Variants in RGS22 observed in about 807,000 individuals in gnomAD.
RGS22 encodes regulator of G-protein signaling 22.
RGS22 carries 148 observed loss-of-function variants against 172.9 expected under a neutral mutation model. The ratio of observed to expected loss-of-function variants is 0.86; its 90% CI spans 0.75 to 0.98. The LOEUF (loss-of-function observed/expected upper bound fraction) is 0.98, where lower values mean the gene tolerates loss of function less well. Ranked by LOEUF, RGS22 falls within the 50% of genes least tolerant of loss-of-function variation. The probability of loss-of-function intolerance (pLI) is 0.00; values close to 1 mark genes in which losing one functional copy is unlikely to be tolerated. For missense variants in RGS22, 1,347 were observed against 1,440.8 expected (o/e 0.93, Z 1.05); for synonymous variants, 458 against 480.2 (o/e 0.95, Z 0.60).
intron 3 of RGS22, among the ~76,000 whole-genome samples, chr8:100,091,066 T>C (rs1028057494): frequency 2.0e-5 from 3 of 152,156 alleles, no homozygotes; most frequent in African/African-American, 4.8e-5. Flanking sequence ...AGTAAACCCA[T>C]ACTGGCTTCT....
chr8:100,037,921 G>A (rs1300848641), intron 14 of RGS22, among the ~76,000 whole-genome samples: 1 of 152,166 alleles, frequency 6.6e-6, no homozygotes, highest in African/African-American at 2.4e-5. Flanking sequence ...TAATCTCACA[G>A]TAAAAAGTAC....
intron 14 of RGS22, among the ~76,000 whole-genome samples, chr8:100,012,978 A>ATTT (rs35339430): frequency 7.2e-4 from 64 of 88,736 alleles, no homozygotes; most frequent in Middle Eastern, 7.5e-3. Flanking sequence ...AACGCCTTTG[A>ATTT]TTTTTTTTTT....
Position 100,063,684 on chromosome 8 carries a change from C to T in RGS22, c.1084G>A (p.Gly362Ser). 9 of 1,613,960 alleles carry T rather than the reference C, an allele frequency of 5.6e-6. No homozygotes were observed. The highest frequency in any genetic ancestry group is 7.6e-6 in the Non-Finnish European group (9 of 1,179,966). The change falls in exon 8 of 28, where the codon GGC becomes AGC. Residue 362 changes from glycine to serine, a missense_variant. Coordinates refer to ENST00000360863, the MANE Select transcript of RGS22 (RefSeq NM_015668.5). ...SFDDCFESIH[G>S]KNFLSELVQT... ...ACTAATTCACTTAAAAAATTCTTGC[C>T]ATGAATAGACTCAAAACAATCATCA...
At chr8:100,000,293 T>C (rs932704585) in intron 18 of RGS22, among the ~76,000 whole-genome samples, 11 of 151,970 alleles carry the variant, frequency 7.2e-5, no homozygotes, top group African/African-American at 2.4e-4. Flanking sequence ...TATTGTTTTA[T>C]ATAAAAACAA....
rs1586203581 is a variant in RGS22 at position 100,071,620 on chromosome 8, C to A, written c.426-83G>T. On this transcript the variant is annotated intron_variant, in intron 5 of 27. Transcript: ENST00000360863. ...GAAAAAACCTAAAATTTTATGTATT[C>A]AAGCCAATCTCCTCTCCTCACTCTT... 7.6e-6 allele frequency: 8 copies of A among 1,051,636 alleles called. No homozygotes were observed. In the East Asian group the frequency reaches 7.8e-5, roughly 10 times the overall value. The allele number at this position is 1,051,636 out of a possible 1,614,324, so 65.1% of individuals were successfully genotyped here.
chr8:100,100,725 A>G (rs1407922390), intron 2 of RGS22, among the ~76,000 whole-genome samples: 1 of 152,238 alleles, frequency 6.6e-6, no homozygotes, highest in Non-Finnish European at 1.5e-5. Flanking sequence ...TATGTTTATT[A>G]TAATTTCATT....
chr8:100,064,064 C>A, intron 7 of RGS22, 21 bp from the exon 8 acceptor site: 2 of 1,460,876 alleles, frequency 1.4e-6, no homozygotes. Flanking sequence ...TCATAAAAAG[C>A]TATTAGATTA....
chr8:100,004,798 T>A (rs773563184), intron 16 of RGS22: 2 of 151,272 alleles, frequency 1.3e-5, no homozygotes, highest in Admixed American at 1.3e-4. Context: ...TAATAATACA[T>A]CCTTCAAATA....
At chr8:100,041,048 T>C (rs1820047615) in intron 12 of RGS22, among the ~76,000 whole-genome samples, 2 of 152,238 alleles carry the variant, frequency 1.3e-5, no homozygotes, top group South Asian at 2.1e-4. Context: ...TGCAAAATTA[T>C]AGCTAAGTGT....
intron 14 of RGS22, among the ~76,000 whole-genome samples, chr8:100,036,855 T>C (rs1323371718): frequency 6.6e-6 from 1 of 152,142 alleles, no homozygotes; most frequent in Non-Finnish European, 1.5e-5. Flanking sequence ...TGCCTCAGCC[T>C]GCCAAAGTAC....
At chr8:99,997,514 T>G (rs1205714699) in intron 19 of RGS22, among the ~76,000 whole-genome samples, 1 of 152,208 alleles carries the variant, frequency 6.6e-6, no homozygotes, top group Admixed American at 6.5e-5. Context: ...TCTTCCCAGC[T>G]GCATTGTGTT....
intron 11 of RGS22, 133 bp downstream of exon 11, chr8:100,047,330 T>C (rs1820829702): frequency 1.4e-6 from 1 of 731,858 alleles, no homozygotes; most frequent in Non-Finnish European, 2.1e-6. Flanking sequence ...AAGCCTCTAA[T>C]ACATATCATT....
intron 16 of RGS22, among the ~76,000 whole-genome samples, chr8:100,005,710 A>G: frequency 6.6e-6 from 1 of 152,174 alleles, no homozygotes; most frequent in East Asian, 1.9e-4. Context: ...GCCATATAGA[A>G]AATAACTGAT....
intron 20 of RGS22, among the ~76,000 whole-genome samples, chr8:99,988,851 A>G (rs1813387219): frequency 2.0e-5 from 3 of 152,168 alleles, no homozygotes; most frequent in African/African-American, 4.8e-5. Flanking sequence ...TGTTCTGTGG[A>G]CAAAAAGTTA....
rs1232994278 is a variant in RGS22, at chr8:100,080,178, C to T, written c.295G>A (p.Ala99Thr). The T allele has an allele frequency of 2.5e-6, 4 of 1,612,892 alleles. No individual in the cohort carries two copies. In the African/African-American group the frequency reaches 4.0e-5, roughly 16 times the overall value. ...KNEVKPVQMNAPDEDETINVN... is the reference protein window; with the variant it reads ...KNEVKPVQMNTPDEDETINVN... The stretch of plus-strand genomic sequence containing the variant: ...TTAATGGTCTCATCTTCATCGGGGG[C>T]ATTCATTTGAACAGGTTTAACCTCA... Residue 99 changes from alanine to threonine, a missense_variant, in exon 4 of 28, where the codon GCC (alanine) becomes ACC (threonine). Transcript: ENST00000360863.
At chr8:99,979,349 T>C (rs962374033) in intron 22 of RGS22, among the ~76,000 whole-genome samples, 2 of 152,196 alleles carry the variant, frequency 1.3e-5, no homozygotes, top group Non-Finnish European at 2.9e-5. Context: ...AATTTTTCAA[T>C]AGAAGGCATA....
chr8:100,038,610 G>T (rs945464570), intron 14 of RGS22: 1 of 186,536 alleles, frequency 5.4e-6, no homozygotes, highest in Non-Finnish European at 1.1e-5. Flanking sequence ...GTCCATTCTC[G>T]GGGTCTTCTT....
chr8:100,044,794 A>C (rs536721565), intron 11 of RGS22, among the ~76,000 whole-genome samples: 2 of 152,138 alleles, frequency 1.3e-5, no homozygotes, highest in South Asian at 4.2e-4. Context: ...CTGAAGTGTA[A>C]TGCTTCCTCG....
At chr8:100,060,421 T>TATATATATATATATATATATATATACAC (rs1245783464) in intron 9 of RGS22, among the ~76,000 whole-genome samples, 71 of 119,424 alleles carry the variant, frequency 5.9e-4, no homozygotes, top group African/African-American at 2.0e-3. Context: ...TATATATATA[T>TATATATATATATATATATATATATACAC]ACACACACAC....
Sources: gnomAD v4.1 joint callset for allele counts (sites outside exome capture counted in the v4.1 genomes callset) on GRCh38, gnomAD v4.1.1 for gene constraint, MANE v1.5 for transcripts, NCBI Gene and HGNC (gene_info 2026-07-23, HGNC 2026-07-21) for gene names.